The following DCC variants were observed in gnomAD, a reference collection of about 807,000 sequenced individuals.
The protein encoded by DCC is DCC netrin 1 receptor.
A neutral mutation model predicts 172.5 loss-of-function variants in DCC; 58 were observed. The observed-to-expected ratio is 0.34, with a 90% CI of 0.27 to 0.42. The LOEUF is 0.42. Among genes scored for constraint, DCC ranks in the 10% least tolerant of loss-of-function variants. The pLI is 1.00. For synonymous variants in DCC, 709 were observed against 644.5 expected, an observed-to-expected ratio of 1.10 and a Z score of -1.52; for missense variants, 1,740 against 1,791.0, an observed-to-expected ratio of 0.97 and a Z score of 0.51.
chr18:53,399,517 A>G (rs1909169159), intron 18 of DCC, among the ~76,000 whole-genome samples: 1 of 152,116 alleles, frequency 6.6e-6, no homozygotes, highest in African/African-American at 2.4e-5. Context: ...GCCCAATACA[A>G]TTCCTATGGC....
At chr18:52,508,336 A>G (rs2036916135) in intron 1 of DCC, among the ~76,000 whole-genome samples, 2 of 152,192 alleles carry the variant, frequency 1.3e-5, no homozygotes, top group African/African-American at 4.8e-5. Flanking sequence ...TCATTAATAC[A>G]AACATACCTA....
chr18:52,485,076 A>G (rs1245122358), intron 1 of DCC, among the ~76,000 whole-genome samples: 1 of 152,138 alleles, frequency 6.6e-6, no homozygotes, highest in Admixed American at 6.6e-5. Flanking sequence ...AAGGACCTAC[A>G]TGATGACTGC....
chr18:52,664,470 CTT>C (rs74178680), intron 1 of DCC, among the ~76,000 whole-genome samples: 2 of 99,800 alleles, frequency 2.0e-5, no homozygotes, highest in African/African-American at 8.2e-5. Context: ...TTTTCTTTTT[CTT>C]TTTCTTTTTT....
intron 1 of DCC, among the ~76,000 whole-genome samples, chr18:52,373,768 A>G (rs1985224256): frequency 6.6e-6 from 1 of 152,058 alleles, no homozygotes; most frequent in Non-Finnish European, 1.5e-5. Flanking sequence ...AGCCTAAATG[A>G]TGCTAACACC....
At chr18:52,527,247 C>A (rs890555473) in intron 1 of DCC, among the ~76,000 whole-genome samples, 1 of 152,022 alleles carries the variant, frequency 6.6e-6, no homozygotes, top group Non-Finnish European at 1.5e-5. Context: ...TTCAATTATG[C>A]AGTAATGGTA....
At chr18:53,330,996 T>A (rs1361093867) in intron 14 of DCC, among the ~76,000 whole-genome samples, 1 of 152,216 alleles carries the variant, frequency 6.6e-6, no homozygotes, top group Non-Finnish European at 1.5e-5. Context: ...GGTATTTGTG[T>A]GAAATGTGTA....
chr18:52,933,926 G>A lies in DCC; in HGVS notation c.985+8556G>A, dbSNP rs539076237. Among the ~76,000 whole-genome samples, 7 of 152,136 alleles carry A rather than the reference G, an allele frequency of 4.6e-5. No homozygotes were observed. In the South Asian group the frequency reaches 1.5e-3, roughly 32 times the overall value. ...TTTGGTGTCCGTTTGAGTGTGAAAA[G>A]TAGAGGAGAGAGATTCCAGAATAAT... is the stretch of plus-strand genomic sequence containing the variant. On this transcript the variant is annotated intron_variant, in intron 5 of 28. Transcript: ENST00000442544.
chr18:52,556,381 T>C lies in DCC; in HGVS notation c.92-195673T>C, dbSNP rs548481002. On this transcript the variant is annotated intron_variant, in intron 1 of 28. Coordinates refer to ENST00000442544, the MANE Select transcript of DCC (RefSeq NM_005215.4). ...AATGTCTAAAAACATAAAGACAACATAGAATATGATTTCCTCTGGATAATG... is the reference window on the plus strand; with the variant it reads ...AATGTCTAAAAACATAAAGACAACACAGAATATGATTTCCTCTGGATAATG... Among the ~76,000 whole-genome samples, 20 of 152,188 alleles carry C rather than the reference T, an allele frequency of 1.3e-4. No individual in the cohort carries two copies. In the Middle Eastern group the frequency reaches 0.01, roughly 78 times the overall value.
At chr18:53,035,847 G>A (rs1035301048) in intron 5 of DCC, among the ~76,000 whole-genome samples, 2 of 151,900 alleles carry the variant, frequency 1.3e-5, no homozygotes, top group Non-Finnish European at 2.9e-5. Context: ...AAACAGTAAT[G>A]GACATCCTTA....
At chr18:53,088,798 C>A (rs1169100513) in intron 7 of DCC, among the ~76,000 whole-genome samples, 3 of 152,068 alleles carry the variant, frequency 2.0e-5, no homozygotes, top group African/African-American at 7.2e-5. Context: ...CAATGATTTT[C>A]TATTATTTTG....
intron 9 of DCC, among the ~76,000 whole-genome samples, chr18:53,195,861 G>A (rs2055435903): frequency 6.6e-6 from 1 of 152,070 alleles, no homozygotes; most frequent in Admixed American, 6.5e-5. Flanking sequence ...ATAATTTTTA[G>A]CCTTGATTAT....
intron 7 of DCC, among the ~76,000 whole-genome samples, chr18:53,102,552 G>C (rs974284709): frequency 4.6e-5 from 7 of 152,010 alleles, no homozygotes; most frequent in African/African-American, 1.7e-4. Flanking sequence ...GTATTGATGT[G>C]GGTGAGTGAG....
At chr18:53,514,546 C>A (rs922063386) in intron 27 of DCC, among the ~76,000 whole-genome samples, 1 of 151,858 alleles carries the variant, frequency 6.6e-6, no homozygotes, top group Non-Finnish European at 1.5e-5. Context: ...ATTGATAGAC[C>A]ACTAGCATGA....
intron 5 of DCC, among the ~76,000 whole-genome samples, chr18:53,033,314 C>T (rs1171281888): frequency 6.6e-6 from 1 of 152,104 alleles, no homozygotes; most frequent in Non-Finnish European, 1.5e-5. Flanking sequence ...TATGTTGATT[C>T]CCAGCTTCAA....
At chr18:53,492,348 G>T (rs1309908085) in intron 26 of DCC, among the ~76,000 whole-genome samples, 1 of 152,120 alleles carries the variant, frequency 6.6e-6, no homozygotes, top group Non-Finnish European at 1.5e-5. Context: ...TGTTGTCATT[G>T]CTTTTGGTGT....
chr18:53,351,711 T>C (rs1345018413), intron 15 of DCC, among the ~76,000 whole-genome samples: 2 of 151,434 alleles, frequency 1.3e-5, no homozygotes, highest in Non-Finnish European at 3.0e-5. Flanking sequence ...AAAATAATTT[T>C]CTTCATCATC....
intron 1 of DCC, among the ~76,000 whole-genome samples, chr18:52,510,720 T>A (rs2031405246): frequency 6.6e-6 from 1 of 152,214 alleles, no homozygotes; most frequent in South Asian, 2.1e-4. Context: ...GCCCTTATCG[T>A]AGGGAATGTA....
rs188332913 is a variant in DCC at position 52,575,224 on chromosome 18, T to C, written c.92-176830T>C. ...ATACCAGAACCATCTTCTCTCTGTATCCATTCTGTAGAAAACCTGAGAACT... is the reference window on the plus strand; with the variant it reads ...ATACCAGAACCATCTTCTCTCTGTACCCATTCTGTAGAAAACCTGAGAACT... On this transcript the variant is annotated intron_variant, in intron 1 of 28. Transcript: ENST00000442544. Among the ~76,000 whole-genome samples the C allele has an allele frequency of 3.3e-4, 51 of 152,306 alleles. No homozygotes were observed. In the East Asian group the frequency reaches 9.8e-3, roughly 29 times the overall value.
At chr18:53,311,781 C>T (rs992127522) in intron 13 of DCC, among the ~76,000 whole-genome samples, 1 of 152,016 alleles carries the variant, frequency 6.6e-6, no homozygotes, top group Non-Finnish European at 1.5e-5. Context: ...TGGATGAGGG[C>T]ATGGAAGTAA....
Sources: gnomAD v4.1 joint callset for allele counts (sites outside exome capture counted in the v4.1 genomes callset) on GRCh38, gnomAD v4.1.1 for gene constraint, MANE v1.5 for transcripts, NCBI Gene and HGNC (gene_info 2026-07-23, HGNC 2026-07-21) for gene names.